The following LRRIQ1 variants were observed in gnomAD, a reference collection of about 807,000 sequenced individuals.
LRRIQ1 encodes the protein leucine-rich repeat- and IQ domain-containing protein 1.
Under a neutral mutation model 211.9 loss-of-function variants are expected in LRRIQ1, and 210 were observed. The ratio of observed to expected loss-of-function variants is 0.99; its 90% CI spans 0.89 to 1.11. The LOEUF is 1.11. Ranked by LOEUF, LRRIQ1 falls within the 50% of genes most tolerant of loss-of-function variation. LRRIQ1 has a pLI of 0.00. For synonymous variants in LRRIQ1, 699 were observed against 650.1 expected, an observed-to-expected ratio of 1.08 and a Z score of -1.14; for missense variants, 2,136 against 1,939.5, an observed-to-expected ratio of 1.10 and a Z score of -1.90.
intron 24 of LRRIQ1, among the ~76,000 whole-genome samples, chr12:85,189,872 TAA>T (rs1892408026): frequency 1.4e-5 from 2 of 144,666 alleles, no homozygotes; most frequent in South Asian, 4.2e-4. Flanking sequence ...TATATTTATA[TAA>T]GATTATATAT....
At chr12:85,175,702 C>T (rs1336736391) in intron 24 of LRRIQ1, among the ~76,000 whole-genome samples, 1 of 152,044 alleles carries the variant, frequency 6.6e-6, no homozygotes, top group Non-Finnish European at 1.5e-5. Flanking sequence ...AGGAAGGGAT[C>T]CAGTTTCAGC....
At chr12:85,139,887 T>C (rs1464752751) in intron 19 of LRRIQ1, among the ~76,000 whole-genome samples, 3 of 151,422 alleles carry the variant, frequency 2.0e-5, no homozygotes, top group East Asian at 1.9e-4. Context: ...ATTTGGGTAG[T>C]ATAATTGTAA....
chr12:85,042,445 T>TA (rs1879003357), intron 3 of LRRIQ1, among the ~76,000 whole-genome samples: 1 of 148,284 alleles, frequency 6.7e-6, no homozygotes, highest in Non-Finnish European at 1.5e-5. Flanking sequence ...TATTTTAATT[T>TA]ATTAAATTAA....
intron 11 of LRRIQ1, among the ~76,000 whole-genome samples, chr12:85,093,779 A>G (rs990613392): frequency 6.6e-6 from 1 of 152,178 alleles, no homozygotes; most frequent in Non-Finnish European, 1.5e-5. Context: ...GAACACAGAG[A>G]TTTTTTATAT....
chr12:85,121,911 A>G, intron 16 of LRRIQ1, 35 bp downstream of exon 16: 1 of 1,466,408 alleles, frequency 6.8e-7, no homozygotes, highest in Non-Finnish European at 9.2e-7. Context: ...TGTATTTAGA[A>G]TCAATAATGT....
chr12:85,260,126 G>T, intron 1 of LRRIQ1, among the ~76,000 whole-genome samples: 1 of 85,708 alleles, frequency 1.2e-5, no homozygotes, highest in South Asian at 3.2e-4. Flanking sequence ...TTTTCATGTT[G>T]GTTAAAAAAA....
At position 85,110,691 on chromosome 12, in the gene LRRIQ1, C is replaced by A. The variant is rs574007556; in HGVS notation, c.3377+4076C>A. ...CTAAAGGGGCACACTTTTAGTTAAACCTCAGAAGTTTGCTAAGATTTAAAA... is the reference window on the plus strand; with the variant it reads ...CTAAAGGGGCACACTTTTAGTTAAAACTCAGAAGTTTGCTAAGATTTAAAA... On this transcript the variant is annotated intron_variant, in intron 15 of 26. Transcript: ENST00000393217. Among the ~76,000 whole-genome samples the A allele has an allele frequency of 2.0e-5, 3 of 152,146 alleles. No homozygotes were observed. In the South Asian group the frequency reaches 6.2e-4, roughly 32 times the overall value.
intron 24 of LRRIQ1, among the ~76,000 whole-genome samples, chr12:85,228,587 T>A (rs763443927): frequency 2.7e-4 from 41 of 152,074 alleles, no homozygotes; most frequent in Non-Finnish European, 5.7e-4. Context: ...AAAACTAGAG[T>A]CATTTCACTA....
rs148230281 is a variant in LRRIQ1, at chr12:85,046,042, A to G, written c.359A>G (p.Glu120Gly). Residue 120 changes from glutamate to glycine, a missense_variant, in exon 5 of 27, where the codon GAA becomes GGA. By Grantham distance (98) the Glu-to-Gly change is moderately conservative. Coordinates refer to ENST00000393217, the MANE Select transcript of LRRIQ1 (RefSeq NM_001079910.2). ...LIKILSEIEK[E>G]EFMRSKTDCA... is the part of the protein sequence containing the mutation. ...TAGATATTATCTGAAATAGAAAAAG[A>G]AGAATTTATGAGAAGTAAAACCGAT... 2.5e-4 allele frequency: 404 copies of G among 1,608,548 alleles called. 2 individuals carry two copies. In the East Asian group the frequency reaches 4.5e-3, roughly 18 times the overall value.
At chr12:85,139,224 T>C (rs1889350598) in intron 19 of LRRIQ1, among the ~76,000 whole-genome samples, 1 of 151,410 alleles carries the variant, frequency 6.6e-6, no homozygotes. Flanking sequence ...GGGCCCAGAA[T>C]AGGAAAGATC....
chr12:85,258,381 G>T (rs1003496695), intron 1 of LRRIQ1, among the ~76,000 whole-genome samples: 9 of 151,692 alleles, frequency 5.9e-5, no homozygotes, highest in Non-Finnish European at 1.2e-4. Flanking sequence ...TTTTTATAAT[G>T]TACAAAAATA....
intron 15 of LRRIQ1, among the ~76,000 whole-genome samples, chr12:85,108,549 A>G (rs1350961185): frequency 6.6e-6 from 1 of 152,164 alleles, no homozygotes; most frequent in South Asian, 2.1e-4. Flanking sequence ...TTACACATCA[A>G]CAGAAGATTA....
chr12:85,153,049 A>G lies in LRRIQ1; in HGVS notation c.4445A>G (p.Asp1482Gly), dbSNP rs1890336425. 1.9e-6 allele frequency: 3 copies of G among 1,572,716 alleles called. No homozygotes were observed. Among genetic ancestry groups the G allele is most frequent in the East Asian group, 4.6e-5 (2 of 43,712 alleles). The change falls in exon 21 of 27, where the codon GAT becomes GGT. Residue 1482 changes from aspartate (D) to glycine (G), a missense_variant. Coordinates refer to ENST00000393217, the MANE Select transcript of LRRIQ1 (RefSeq NM_001079910.2). Reference protein sequence around the residue: ...PKIPGNLKWDDTSFNLPSNPA... With the variant: ...PKIPGNLKWDGTSFNLPSNPA... ...ATTCCTGGAAACTTAAAATGGGATG[A>G]TACTTCATTTAATTTACCAAGTAAT...
At chr12:85,250,979 T>C (rs1252394228) in intron 1 of LRRIQ1, among the ~76,000 whole-genome samples, 1 of 119,448 alleles carries the variant, frequency 8.4e-6, no homozygotes, top group Non-Finnish European at 1.7e-5. Context: ...ATATATATTA[T>C]AGATTATATA....
At chr12:85,052,287 T>C in intron 7 of LRRIQ1, 36 bp downstream of exon 7, 3 of 1,082,062 alleles carry the variant, frequency 2.8e-6, no homozygotes, top group Non-Finnish European at 4.1e-6. Flanking sequence ...CACATTAAGC[T>C]TTCTTTATTT....
chr12:85,076,378 A>G (rs1042577528), intron 11 of LRRIQ1, among the ~76,000 whole-genome samples: 8 of 152,000 alleles, frequency 5.3e-5, no homozygotes, highest in African/African-American at 1.7e-4. Context: ...GTAAATGATC[A>G]TTTTTATATT....
intron 15 of LRRIQ1, among the ~76,000 whole-genome samples, chr12:85,118,459 G>T (rs2136401167): frequency 6.7e-6 from 1 of 149,658 alleles, no homozygotes; most frequent in Non-Finnish European, 1.5e-5. Flanking sequence ...GCAGAGTGGG[G>T]GTTGGGAGCT....
chr12:85,039,066 T>C (rs1186750656), intron 2 of LRRIQ1, among the ~76,000 whole-genome samples: 2 of 151,316 alleles, frequency 1.3e-5, no homozygotes, highest in African/African-American at 2.4e-5. Context: ...ACCTACCTAT[T>C]ACATTTAGAA....
intron 18 of LRRIQ1, among the ~76,000 whole-genome samples, chr12:85,129,064 T>A (rs547737665): frequency 6.6e-6 from 1 of 152,252 alleles, no homozygotes. Flanking sequence ...TCCAGGAACT[T>A]CTCTCAACTC....
Sources: allele counts gnomAD v4.1 joint callset (sites outside exome capture counted in the v4.1 genomes callset), GRCh38; gene constraint gnomAD v4.1.1; transcripts MANE v1.5; gene names NCBI Gene and HGNC (gene_info 2026-07-23, HGNC 2026-07-21).